ANAPC16: variants seen among roughly 807,000 people sequenced by gnomAD.
ANAPC16 encodes the protein anaphase promoting complex subunit 16.
A neutral mutation model predicts 13.1 loss-of-function variants in ANAPC16; 6 were observed. The observed-to-expected ratio is 0.46, with a 90% CI of 0.25 to 0.90. ANAPC16 has a LOEUF of 0.90. Among genes scored for constraint, ANAPC16 ranks in the 40% least tolerant of loss-of-function variants. The pLI, the probability that ANAPC16 is intolerant of heterozygous loss-of-function variation, is 0.18. For missense variants in ANAPC16, 113 were observed against 131.1 expected, an observed-to-expected ratio of 0.86 and a Z score of 0.67; for synonymous variants, 55 against 51.3, an observed-to-expected ratio of 1.07 and a Z score of -0.31.
intron 2 of ANAPC16, among the ~76,000 whole-genome samples, chr10:72,228,044 AG>A (rs1301605931): frequency 6.6e-6 from 1 of 150,806 alleles, no homozygotes; most frequent in Non-Finnish European, 1.5e-5. Context: ...AAAAAAAAAA[AG>A]GATATGAAAA....
chr10:72,229,547 T>G (rs568640215), intron 2 of ANAPC16, among the ~76,000 whole-genome samples: 86 of 152,286 alleles, frequency 5.6e-4, no homozygotes, highest in Admixed American at 1.4e-3. Context: ...TTTAGGATTT[T>G]CGCAATAAGG....
intron 3 of ANAPC16, among the ~76,000 whole-genome samples, chr10:72,232,282 C>A (rs7913447): frequency 0.49 from 73,945 of 149,462 alleles, 20,109 homozygotes; most frequent in Middle Eastern, 0.69. Flanking sequence ...CAGTGGCTCA[C>A]GTCTGTAATC....
At chr10:72,216,825 C>G in intron 1 of ANAPC16, 1 of 456,190 alleles carries the variant, frequency 2.2e-6, no homozygotes, top group Non-Finnish European at 4.4e-6. Flanking sequence ...ACTTACCTGA[C>G]AGGGCCAAGT....
chr10:72,230,513 A>T, intron 3 of ANAPC16, 73 bp downstream of exon 3: 1 of 1,288,068 alleles, frequency 7.8e-7, no homozygotes, highest in Non-Finnish European at 1.1e-6. Context: ...TGTGACAAAA[A>T]TCCCCAAACT....
At chr10:72,226,648 G>T (rs1349437932) in intron 2 of ANAPC16, among the ~76,000 whole-genome samples, 8 of 151,826 alleles carry the variant, frequency 5.3e-5, no homozygotes, top group Non-Finnish European at 1.0e-4. Flanking sequence ...ATTCGAGCCT[G>T]GGTGATGGAG....
chr10:72,220,322 T>C (rs1406018897), intron 1 of ANAPC16: 1 of 109,114 alleles, frequency 9.2e-6, no homozygotes, highest in Admixed American at 9.1e-5. Context: ...GGAAACTCCG[T>C]CTCAAAAAAA....
At chr10:72,231,369 A>C (rs1436511654) in intron 3 of ANAPC16, among the ~76,000 whole-genome samples, 1 of 151,948 alleles carries the variant, frequency 6.6e-6, no homozygotes, top group Admixed American at 6.6e-5. Flanking sequence ...GAAACCCCAT[A>C]TCTAAAAAAA....
At chr10:72,222,291 G>A (rs1243562789) in intron 1 of ANAPC16, among the ~76,000 whole-genome samples, 3 of 151,758 alleles carry the variant, frequency 2.0e-5, no homozygotes, top group Admixed American at 1.3e-4. Flanking sequence ...GGTGGCACGC[G>A]CCTGTAGTCC....
chr10:72,228,764 G>A (rs768039628), intron 2 of ANAPC16, among the ~76,000 whole-genome samples: 1 of 152,196 alleles, frequency 6.6e-6, no homozygotes, highest in Non-Finnish European at 1.5e-5. Flanking sequence ...CATATAGTGT[G>A]GTGGAGTGAA....
At position 72,219,813 on chromosome 10, in the gene ANAPC16, C is replaced by T. The variant is rs542040272; in HGVS notation, c.-28+3675C>T. 6.6e-5 allele frequency among the ~76,000 whole-genome samples: 10 copies of T among 152,142 alleles called. No homozygotes were observed. In the East Asian group the frequency reaches 1.7e-3, roughly 26 times the overall value. The stretch of plus-strand genomic sequence containing the variant: ...AGTCTAGTTATAATAGCTGTTTTAC[C>T]GTTCCCATACCCCACTTCACTATTA... On this transcript the variant is annotated intron_variant, in intron 1 of 3. Transcript: ENST00000299381.
At chr10:72,226,272 G>C (rs1478457431) in intron 2 of ANAPC16, among the ~76,000 whole-genome samples, 3 of 151,910 alleles carry the variant, frequency 2.0e-5, no homozygotes, top group Non-Finnish European at 4.4e-5. Context: ...GCCCACCTCA[G>C]CCTCCCAAAG....
intron 1 of ANAPC16, among the ~76,000 whole-genome samples, chr10:72,218,155 AAAAAAAAAAAATATAT>A (rs1859662266): frequency 2.0e-5 from 1 of 50,734 alleles, no homozygotes; most frequent in Non-Finnish European, 3.5e-5. Flanking sequence ...CAAAAAAAAA[AAAAAAAAAAAATATAT>A]ATATATATAT....
chr10:72,217,979 C>T (rs1859629230), intron 1 of ANAPC16, among the ~76,000 whole-genome samples: 1 of 150,802 alleles, frequency 6.6e-6, no homozygotes, highest in South Asian at 2.1e-4. Context: ...ATCCAGAATA[C>T]TTCCAAGTCC....
At chr10:72,227,257 G>A (rs1387728330) in intron 2 of ANAPC16, among the ~76,000 whole-genome samples, 1 of 152,184 alleles carries the variant, frequency 6.6e-6, no homozygotes, top group Non-Finnish European at 1.5e-5. Flanking sequence ...AAATTATGTG[G>A]AGATATTGAA....
At position 72,226,495 on chromosome 10, in the gene ANAPC16, G is replaced by A. The variant is rs371259192; in HGVS notation, c.142+2439G>A. ...TTGAGACCAGCCTGGGCAACATGAC[G>A]AAATCCTGTCTCTAGAAAAAATAGA... is the stretch of plus-strand genomic sequence containing the variant. On this transcript the variant is annotated intron_variant, in intron 2 of 3. Coordinates refer to ENST00000299381, the MANE Select transcript of ANAPC16 (RefSeq NM_173473.4). 4.6e-5 allele frequency among the ~76,000 whole-genome samples: 7 copies of A among 151,994 alleles called. 1 individual carries two copies. The South Asian group carries it at 8.3e-4, about 18-fold the overall frequency.
At chr10:72,223,034 A>T (rs1484252745) in intron 1 of ANAPC16, 1 of 149,234 alleles carries the variant, frequency 6.7e-6, no homozygotes, top group Admixed American at 6.7e-5. Context: ...CAGTTTTGGG[A>T]TGCCACCAAG....
Position 72,233,212 on chromosome 10 carries a change from G to A in ANAPC16, c.*96G>A, listed in dbSNP as rs1401063945. The A allele has an allele frequency of 1.7e-5, 15 of 874,134 alleles. No individual in the cohort carries two copies. Among genetic ancestry groups the A allele is most frequent in the African/African-American group, 1.7e-5 (1 of 59,944 alleles). The allele number at this position is 874,134 out of a possible 1,614,324, so 54.1% of individuals were successfully genotyped here. A position where few individuals can be genotyped will look rare whatever the true frequency, so the allele number is the denominator to read the frequency against. ...TAGCCATCCAGAGATCCACAGCTAC[G>A]TCACTGAATTGTTAATGCACATTTG... On this transcript the variant is annotated 3_prime_UTR_variant, in exon 4 of 4. Coordinates refer to ENST00000299381, the MANE Select transcript of ANAPC16 (RefSeq NM_173473.4).
chr10:72,227,572 C>T lies in ANAPC16; in HGVS notation c.143-2794C>T, dbSNP rs551814629. Among the ~76,000 whole-genome samples the T allele has an allele frequency of 2.6e-5, 4 of 152,040 alleles. No homozygotes were observed. In the South Asian group the frequency reaches 8.3e-4, roughly 32 times the overall value. The stretch of plus-strand genomic sequence containing the variant: ...ATGTAGAGATGGCAACCCCTAAACC[C>T]ATTTAATATTCTTGGTCAAATCAAG... On this transcript the variant is annotated intron_variant, in intron 2 of 3. Coordinates refer to ENST00000299381, the MANE Select transcript of ANAPC16 (RefSeq NM_173473.4).
intron 1 of ANAPC16, among the ~76,000 whole-genome samples, chr10:72,216,508 G>A (rs1238835892): frequency 1.1e-5 from 1 of 88,796 alleles, no homozygotes; most frequent in African/African-American, 4.3e-5. Flanking sequence ...TACAGCTGCG[G>A]CATCTATTTG....
Sources: gnomAD v4.1 joint callset for allele counts (sites outside exome capture counted in the v4.1 genomes callset) on GRCh38, gnomAD v4.1.1 for gene constraint, MANE v1.5 for transcripts, NCBI Gene and HGNC (gene_info 2026-07-23, HGNC 2026-07-21) for gene names.